Variants in ABL2 observed in about 807,000 individuals in gnomAD.
ABL2 encodes the protein ABL proto-oncogene 2, non-receptor tyrosine kinase, also known as tyrosine-protein kinase ABL2.
In ABL2, 49 loss-of-function variants were observed where a neutral mutation model predicts 107.7. That is an observed-to-expected ratio of 0.45 (90% confidence interval 0.36 to 0.58). The LOEUF (loss-of-function observed/expected upper bound fraction) is 0.58, where lower values mean the gene tolerates loss of function less well. ABL2 is among the 20% of genes least tolerant of loss of function. The pLI is 0.00. For missense variants in ABL2, 1,245 were observed against 1,457.0 expected (o/e 0.85, Z 2.37); for synonymous variants, 549 against 548.6 (o/e 1.00, Z -0.01).
chr1:179,229,207 C>CCCCCCCCCCCCA, intron 1 of ABL2, 34 bp downstream of exon 1: 3 of 1,485,452 alleles, frequency 2.0e-6, no homozygotes, highest in Non-Finnish European at 1.8e-6. Context: ...CCGGCCTCCC[C>CCCCCCCCCCCCA]CACGCTCTCA....
chr1:179,136,981 T>C (rs1657093373), intron 1 of ABL2, among the ~76,000 whole-genome samples: 1 of 151,390 alleles, frequency 6.6e-6, no homozygotes, highest in Non-Finnish European at 1.5e-5. Context: ...CTGTTGTAGG[T>C]TGGCTCTGTA....
chr1:179,159,470 T>C (rs1658927701), intron 1 of ABL2, among the ~76,000 whole-genome samples: 1 of 152,220 alleles, frequency 6.6e-6, no homozygotes, highest in African/African-American at 2.4e-5. Flanking sequence ...GGATTTCTGG[T>C]TCAGCTGATT....
rs568159317 is a variant in ABL2 at position 179,105,370 on chromosome 1, C to G, written c.*2348G>C. 37 of 231,594 alleles carry G rather than the reference C, an allele frequency of 1.6e-4. No individual in the cohort carries two copies. The highest frequency in any genetic ancestry group is 7.7e-4 in the African/African-American group (35 of 45,334). 14.3% of individuals were successfully genotyped at this position (231,594 alleles called of 1,614,324 possible). A position where few individuals can be genotyped will look rare whatever the true frequency, so the allele number is the denominator to read the frequency against. ...AATTACAATCCCTTAACTTGCATCC[C>G]ACAACAACAGGGATAAACCTAAAAA... On this transcript the variant is annotated 3_prime_UTR_variant, in exon 12 of 12. Coordinates refer to ENST00000502732, the MANE Select transcript of ABL2 (RefSeq NM_007314.4).
intron 1 of ABL2, among the ~76,000 whole-genome samples, chr1:179,170,860 G>T (rs1189699274): frequency 6.6e-6 from 1 of 151,882 alleles, no homozygotes; most frequent in African/African-American, 2.4e-5. Context: ...CTCCCAAAAT[G>T]CTGGGATTAC....
chr1:179,180,399 C>CT (rs1351601198), intron 1 of ABL2, among the ~76,000 whole-genome samples: 1 of 152,194 alleles, frequency 6.6e-6, no homozygotes, highest in Non-Finnish European at 1.5e-5. Context: ...TACGTTCCCT[C>CT]TGAGGAGCTG....
intron 2 of ABL2, 135 bp from the exon 3 acceptor site, chr1:179,131,616 A>T (rs1656340336): frequency 1.2e-6 from 1 of 802,128 alleles, no homozygotes; most frequent in Admixed American, 2.9e-5. Flanking sequence ...AGTGTTATGA[A>T]GAATTAGCAA....
At chr1:179,180,619 A>C (rs1660323071) in intron 1 of ABL2, among the ~76,000 whole-genome samples, 1 of 152,230 alleles carries the variant, frequency 6.6e-6, no homozygotes, top group Non-Finnish European at 1.5e-5. Context: ...CAAGGTGCAT[A>C]AGGGTCACCT....
intron 1 of ABL2, among the ~76,000 whole-genome samples, chr1:179,228,497 C>G (rs1663360101): frequency 6.6e-6 from 1 of 152,086 alleles, no homozygotes; most frequent in African/African-American, 2.4e-5. Flanking sequence ...TGGGCACACG[C>G]ACACACTACA....
In ABL2 at chr1:179,109,011, A is replaced by G; in HGVS notation, c.2256T>C (p.Phe752=). The change falls in exon 12 of 12, where the codon TTT becomes TTC. Residue 752 remains phenylalanine (F), a synonymous_variant. Transcript: ENST00000502732. ...GTGTCTTTTTGATTAAGCGTGGTGT[A>G]AAGAAGCCTGTGATGCCAGACCACC... ...GGGWSGITGF[F]TPRLIKKTLG... is the part of the protein sequence containing the mutation. 2 of 1,613,904 alleles carry G rather than the reference A, an allele frequency of 1.2e-6. No individual in the cohort carries two copies. Among genetic ancestry groups the G allele is most frequent in the Non-Finnish European group, 1.7e-6 (2 of 1,180,016 alleles).
At chr1:179,121,212 G>C (rs1396926675) in intron 5 of ABL2, among the ~76,000 whole-genome samples, 1 of 152,214 alleles carries the variant, frequency 6.6e-6, no homozygotes, top group East Asian at 1.9e-4. Context: ...GGAGGAACAA[G>C]AACAAGGGAG....
chr1:179,160,323 G>A (rs544801185), intron 1 of ABL2, among the ~76,000 whole-genome samples: 27 of 150,190 alleles, frequency 1.8e-4, no homozygotes, highest in African/African-American at 5.6e-4. Context: ...AGACCAGCCT[G>A]GGCAACATAG....
At chr1:179,170,479 CA>C (rs1659654710) in intron 1 of ABL2, among the ~76,000 whole-genome samples, 1 of 152,032 alleles carries the variant, frequency 6.6e-6, no homozygotes, top group South Asian at 2.1e-4. Flanking sequence ...TGCAGTAGCG[CA>C]ATCTAGGCTC....
intron 1 of ABL2, among the ~76,000 whole-genome samples, chr1:179,210,136 T>C (rs1316950641): frequency 1.3e-5 from 2 of 152,160 alleles, no homozygotes; most frequent in Non-Finnish European, 2.9e-5. Context: ...GTGCTATGAC[T>C]ACAGGCATGA....
At chr1:179,164,894 A>G (rs1557967776) in intron 1 of ABL2, among the ~76,000 whole-genome samples, 1 of 152,234 alleles carries the variant, frequency 6.6e-6, no homozygotes, top group Non-Finnish European at 1.5e-5. Context: ...AACCCTATAT[A>G]TACTATGCTT....
Position 179,114,810 on chromosome 1 carries a change from C to A in ABL2, c.1561+68G>T. 2.8e-6 allele frequency: 4 copies of A among 1,453,686 alleles called. No homozygotes were observed. In the Middle Eastern group the frequency reaches 6.0e-4, roughly 219 times the overall value. 90.0% of individuals were successfully genotyped at this position (1,453,686 alleles called of 1,614,324 possible). A position where few individuals can be genotyped will look rare whatever the true frequency, so the allele number is the denominator to read the frequency against. Reference sequence around the variant, plus strand: ...AACAACACTGAGAGGAGAAATGTTTCTAATTTTGTTAACTATTCTGAACTG... The same window carrying A: ...AACAACACTGAGAGGAGAAATGTTTATAATTTTGTTAACTATTCTGAACTG... On this transcript the variant is annotated intron_variant, in intron 9 of 11. Transcript: ENST00000502732.
At chr1:179,208,302 C>A (rs539162256) in intron 1 of ABL2, among the ~76,000 whole-genome samples, 4 of 152,108 alleles carry the variant, frequency 2.6e-5, no homozygotes, top group Middle Eastern at 3.4e-3. Context: ...TTGCCCCCCC[C>A]ATTCCTTCCC....
At chr1:179,210,867 T>C (rs1662235597) in intron 1 of ABL2, among the ~76,000 whole-genome samples, 1 of 151,374 alleles carries the variant, frequency 6.6e-6, no homozygotes, top group Non-Finnish European at 1.5e-5. Flanking sequence ...AAAATAATAA[T>C]AATAAATAAA....
At chr1:179,157,944 G>A in intron 1 of ABL2, among the ~76,000 whole-genome samples, 1 of 152,288 alleles carries the variant, frequency 6.6e-6, no homozygotes, top group Admixed American at 6.5e-5. Context: ...GCTAAGAAAG[G>A]AATGACTTTG....
At chr1:179,117,984 A>C (rs895454103) in intron 7 of ABL2, among the ~76,000 whole-genome samples, 7 of 151,940 alleles carry the variant, frequency 4.6e-5, no homozygotes, top group South Asian at 4.2e-4. Context: ...AACAAACAAA[A>C]AAAAACCATA....
Sources: allele counts gnomAD v4.1 joint callset (sites outside exome capture counted in the v4.1 genomes callset), GRCh38; gene constraint gnomAD v4.1.1; transcripts MANE v1.5; gene names NCBI Gene and HGNC (gene_info 2026-07-23, HGNC 2026-07-21).